Variants in PPP3CA observed in about 807,000 individuals in gnomAD.
The protein encoded by PPP3CA is protein phosphatase 3 catalytic subunit alpha.
PPP3CA carries 14 observed loss-of-function variants against 66.5 expected under a neutral mutation model. That is an observed-to-expected ratio of 0.21 (90% CI 0.14 to 0.33). PPP3CA has a LOEUF of 0.33. Among genes scored for constraint, PPP3CA ranks in the 10% least tolerant of loss-of-function variants. PPP3CA has a pLI of 1.00. For missense variants in PPP3CA, 317 were observed against 639.5 expected, an observed-to-expected ratio of 0.50 and a Z score of 5.44; for synonymous variants, 232 against 226.2, an observed-to-expected ratio of 1.03 and a Z score of -0.23.
intron 3 of PPP3CA, among the ~76,000 whole-genome samples, chr4:101,101,491 G>T (rs2110256213): frequency 1.3e-5 from 2 of 152,184 alleles, no homozygotes; most frequent in East Asian, 3.9e-4. Context: ...GTTAATTTAG[G>T]ATGTCTAGTT....
At chr4:101,242,074 C>T (rs1381041501) in intron 1 of PPP3CA, among the ~76,000 whole-genome samples, 2 of 151,990 alleles carry the variant, frequency 1.3e-5, no homozygotes, top group African/African-American at 2.4e-5. Context: ...TTCTCTGTTC[C>T]CCAAATATAC....
intron 8 of PPP3CA, among the ~76,000 whole-genome samples, chr4:101,064,474 A>G (rs141314504): frequency 6.6e-6 from 1 of 152,154 alleles, no homozygotes; most frequent in East Asian, 1.9e-4. Context: ...GTATTACATT[A>G]GAAGACAGTA....
At chr4:101,260,227 T>C (rs1726968726) in intron 1 of PPP3CA, among the ~76,000 whole-genome samples, 1 of 152,174 alleles carries the variant, frequency 6.6e-6, no homozygotes, top group African/African-American at 2.4e-5. Flanking sequence ...GTAATTTAAA[T>C]CTTACCTTAG....
At chr4:101,316,575 C>T (rs893033485) in intron 1 of PPP3CA, among the ~76,000 whole-genome samples, 5 of 152,060 alleles carry the variant, frequency 3.3e-5, no homozygotes, top group African/African-American at 4.8e-5. Context: ...AGTAGAAGTG[C>T]CACTAAGTTT....
chr4:101,102,244 CAGAG>C (rs1201037296), intron 3 of PPP3CA, among the ~76,000 whole-genome samples: 1 of 124,140 alleles, frequency 8.1e-6, no homozygotes, highest in Non-Finnish European at 1.6e-5. Context: ...GGGAGGGAGG[CAGAG>C]AAAGGAAGGA....
At chr4:101,066,256 C>A (rs1728676077) in intron 8 of PPP3CA, among the ~76,000 whole-genome samples, 1 of 152,078 alleles carries the variant, frequency 6.6e-6, no homozygotes, top group Non-Finnish European at 1.5e-5. Flanking sequence ...CATGTTTAAT[C>A]TCTTTAAAGA....
At chr4:101,320,188 G>A (rs960987161) in intron 1 of PPP3CA, among the ~76,000 whole-genome samples, 3 of 150,978 alleles carry the variant, frequency 2.0e-5, no homozygotes, top group Non-Finnish European at 4.4e-5. Context: ...CACAGAATCT[G>A]TAGTGAATTT....
intron 9 of PPP3CA, among the ~76,000 whole-genome samples, chr4:101,061,962 C>T (rs1728482650): frequency 6.6e-6 from 1 of 151,920 alleles, no homozygotes; most frequent in Non-Finnish European, 1.5e-5. Flanking sequence ...AAAAAAATGT[C>T]CTTCTAGAAT....
rs145460474 is a variant in PPP3CA at position 101,291,035 on chromosome 4, A to G, written c.58+55704T>C. Among the ~76,000 whole-genome samples, 524 of 152,322 alleles carry G rather than the reference A, an allele frequency of 3.4e-3. 3 individuals are homozygous for G. In the Middle Eastern group the frequency reaches 0.037, roughly 11 times the overall value. On this transcript the variant is annotated intron_variant, in intron 1 of 13. Coordinates refer to ENST00000394854, the MANE Select transcript of PPP3CA (RefSeq NM_000944.5). The stretch of plus-strand genomic sequence containing the variant: ...AAGCCATCGTAAGTAGGAAAGCACA[A>G]TGTAGGAAAAGCAGAACCTAAGAGA...
chr4:101,138,096 T>C (rs1330534442), intron 2 of PPP3CA, among the ~76,000 whole-genome samples: 1 of 152,172 alleles, frequency 6.6e-6, no homozygotes, highest in Admixed American at 6.6e-5. Context: ...AATGGTTGCC[T>C]TTTGCCTAAA....
At chr4:101,041,366 AT>A (rs1727508231) in intron 10 of PPP3CA, among the ~76,000 whole-genome samples, 1 of 149,384 alleles carries the variant, frequency 6.7e-6, no homozygotes, top group South Asian at 2.1e-4. Flanking sequence ...AGCCCATTTT[AT>A]TTTTTCTTTT....
At chr4:101,198,159 A>G (rs1231508125) in intron 1 of PPP3CA, among the ~76,000 whole-genome samples, 2 of 152,198 alleles carry the variant, frequency 1.3e-5, no homozygotes, top group Admixed American at 1.3e-4. Context: ...AAAAGAGGAA[A>G]TTAGGTCATT....
intron 1 of PPP3CA, among the ~76,000 whole-genome samples, chr4:101,294,618 T>C (rs984655394): frequency 6.6e-6 from 1 of 152,184 alleles, no homozygotes; most frequent in African/African-American, 2.4e-5. Flanking sequence ...TCATAAAAAA[T>C]ACATTATATA....
chr4:101,095,570 C>T (rs1170028357), intron 5 of PPP3CA, among the ~76,000 whole-genome samples: 1 of 152,064 alleles, frequency 6.6e-6, no homozygotes, highest in Non-Finnish European at 1.5e-5. Flanking sequence ...TTTAAAAAAT[C>T]TACTTAATTT....
chr4:101,037,824 T>G (rs1727318648), intron 11 of PPP3CA, among the ~76,000 whole-genome samples: 1 of 152,210 alleles, frequency 6.6e-6, no homozygotes, highest in African/African-American at 2.4e-5. Context: ...ATTTTCAGTC[T>G]CCTTTTAAAC....
At chr4:101,092,936 T>C (rs1351348133) in intron 6 of PPP3CA, among the ~76,000 whole-genome samples, 2 of 152,194 alleles carry the variant, frequency 1.3e-5, no homozygotes, top group Admixed American at 6.5e-5. Flanking sequence ...TGTGTCTTTA[T>C]AGTAGAATGA....
intron 2 of PPP3CA, among the ~76,000 whole-genome samples, chr4:101,160,392 A>G (rs1254941236): frequency 1.3e-5 from 2 of 152,118 alleles, no homozygotes; most frequent in Admixed American, 6.6e-5. Context: ...AAAATGACCA[A>G]CGTGATTTCT....
intron 9 of PPP3CA, 88 bp from the exon 10 acceptor site, chr4:101,061,249 C>A (rs1728450110): frequency 7.2e-6 from 8 of 1,106,002 alleles, no homozygotes; most frequent in Non-Finnish European, 1.1e-5. Flanking sequence ...GCAAACTTAG[C>A]AATAACATTT....
intron 2 of PPP3CA, among the ~76,000 whole-genome samples, chr4:101,132,292 C>A (rs1407997471): frequency 1.3e-5 from 2 of 151,880 alleles, no homozygotes; most frequent in African/African-American, 4.8e-5. Flanking sequence ...AAAAAACCTT[C>A]AAAAAAATCA....
Sources: gnomAD v4.1 joint callset for allele counts (sites outside exome capture counted in the v4.1 genomes callset) on GRCh38, gnomAD v4.1.1 for gene constraint, MANE v1.5 for transcripts, NCBI Gene and HGNC (gene_info 2026-07-23, HGNC 2026-07-21) for gene names.